The following RPS6KA5 variants were observed in gnomAD, a reference collection of about 807,000 sequenced individuals.
The protein encoded by RPS6KA5 is ribosomal protein S6 kinase A5.
In RPS6KA5, 27 loss-of-function variants were observed where a neutral mutation model predicts 85.5. The observed-to-expected ratio is 0.32, with a 90% CI of 0.23 to 0.44. The LOEUF is 0.44. Ranked by LOEUF, RPS6KA5 falls within the 20% of genes least tolerant of loss-of-function variation. RPS6KA5 has a pLI of 1.00. For synonymous variants in RPS6KA5, 334 were observed against 348.2 expected (o/e 0.96, Z 0.46); for missense variants, 811 against 980.9 (o/e 0.83, Z 2.31).
chr14:91,014,180 T>TA lies in RPS6KA5; in HGVS notation c.104-13022dup, dbSNP rs554230499. On this transcript the variant is annotated intron_variant, in intron 1 of 16. Coordinates refer to ENST00000614987, the MANE Select transcript of RPS6KA5 (RefSeq NM_004755.4). ...AAAAGAAAAAATTAGGGCTTTAAAG[T>TA]AAAAAACATGAATGTATTTTTAAAA... Among the ~76,000 whole-genome samples, 515 of 152,220 alleles carry TA rather than the reference T, an allele frequency of 3.4e-3. 4 individuals are homozygous for TA. The highest frequency in any genetic ancestry group is 6.8e-3 in the Middle Eastern group (2 of 294).
chr14:90,927,087 T>A (rs766385739), intron 5 of RPS6KA5, among the ~76,000 whole-genome samples: 4 of 152,112 alleles, frequency 2.6e-5, no homozygotes, highest in Non-Finnish European at 5.9e-5. Context: ...GTCATGATCG[T>A]TTGAGAGATA....
Position 90,987,781 on chromosome 14 carries a change from A to G in RPS6KA5, c.176-9257T>C, listed in dbSNP as rs11846962. Among the ~76,000 whole-genome samples, 642 of 152,308 alleles carry G rather than the reference A, an allele frequency of 4.2e-3. 4 individuals are homozygous for G. The highest frequency in any genetic ancestry group is 0.014 in the African/African-American group (593 of 41,568). On this transcript the variant is annotated intron_variant, in intron 2 of 16. Transcript: ENST00000614987. ...CTTCTTAAAGAGGACACCAGGGACCAAGGTAGACACAAATGGTTACTGCTC... is the reference window on the plus strand; with the variant it reads ...CTTCTTAAAGAGGACACCAGGGACCGAGGTAGACACAAATGGTTACTGCTC...
At position 90,857,653 on chromosome 14, in the gene RPS6KA5, A is replaced by G. The variant is rs945433101; in HGVS notation, c.*14421T>C. ...AACTGTGAACTGCATTAAGCTCTAC[A>G]GAGTTTTTTCAAAAGGCTAAAAATA... is the stretch of plus-strand genomic sequence containing the variant. On this transcript the variant is annotated 3_prime_UTR_variant, in exon 17 of 17. Transcript: ENST00000614987. The G allele has an allele frequency of 6.6e-6, 1 of 152,218 alleles. No homozygotes were observed. The highest frequency in any genetic ancestry group is 2.4e-5 in the African/African-American group (1 of 41,448). The allele number at this position is 152,218 out of a possible 1,614,324, so 9.4% of individuals were successfully genotyped here.
intron 3 of RPS6KA5, among the ~76,000 whole-genome samples, chr14:90,973,380 T>C (rs565481508): frequency 6.7e-6 from 1 of 148,864 alleles, no homozygotes; most frequent in Non-Finnish European, 1.5e-5. Flanking sequence ...GAGGCAGAGG[T>C]TGCAGTGAGC....
chr14:90,965,974 G>A (rs1374069413), intron 3 of RPS6KA5, among the ~76,000 whole-genome samples: 1 of 152,174 alleles, frequency 6.6e-6, no homozygotes, highest in Non-Finnish European at 1.5e-5. Flanking sequence ...TCTTAGAGGT[G>A]CAACTGGTTT....
chr14:90,990,872 C>T (rs1339141362), intron 2 of RPS6KA5, among the ~76,000 whole-genome samples: 2 of 152,104 alleles, frequency 1.3e-5, no homozygotes, highest in Non-Finnish European at 2.9e-5. Flanking sequence ...CTAGGGCCTA[C>T]TTGAGGGGAG....
intron 3 of RPS6KA5, among the ~76,000 whole-genome samples, chr14:90,958,837 T>C (rs1372012841): frequency 1.3e-5 from 2 of 152,006 alleles, no homozygotes; most frequent in African/African-American, 4.8e-5. Context: ...AGTTGGAAGG[T>C]CATGATTACT....
chr14:90,900,262 T>C (rs747067044), intron 10 of RPS6KA5, 21 bp from the exon 11 acceptor site: 5 of 1,517,880 alleles, frequency 3.3e-6, no homozygotes. Flanking sequence ...ATCAACATCA[T>C]TTAACTTCAG....
chr14:90,983,276 CAA>C (rs562999325), intron 2 of RPS6KA5, among the ~76,000 whole-genome samples: 20 of 66,548 alleles, frequency 3.0e-4, no homozygotes, highest in Non-Finnish European at 2.7e-4. Flanking sequence ...GACTCCATCT[CAA>C]AAAAAAAAAA....
intron 1 of RPS6KA5, among the ~76,000 whole-genome samples, chr14:91,049,284 C>A (rs1430442663): frequency 2.0e-5 from 3 of 152,206 alleles, no homozygotes; most frequent in Non-Finnish European, 4.4e-5. Context: ...AGCACAAGTT[C>A]TTCCTACTCT....
chr14:91,052,190 G>C, intron 1 of RPS6KA5: 3 of 301,330 alleles, frequency 1.0e-5, no homozygotes, highest in South Asian at 5.3e-5. Context: ...GCTCATGCCT[G>C]TAATCCCAGC....
intron 1 of RPS6KA5, among the ~76,000 whole-genome samples, chr14:91,010,863 C>A (rs1205385308): frequency 1.3e-5 from 2 of 151,956 alleles, no homozygotes; most frequent in Admixed American, 6.6e-5. Context: ...ATAATGGGAT[C>A]CGGGACAGAA....
In RPS6KA5 at chr14:90,942,982, C is replaced by T. The variant is rs1438057395; in HGVS notation, c.618+96G>A. Reference sequence around the variant, plus strand: ...CAAATCTGCACAAAAGTTCAGAATTCACAGGGCAGTTTTCTGCTAAATGTT... The same window carrying T: ...CAAATCTGCACAAAAGTTCAGAATTTACAGGGCAGTTTTCTGCTAAATGTT... On this transcript the variant is annotated intron_variant, in intron 5 of 16. Transcript: ENST00000614987. 42 of 750,358 alleles carry T rather than the reference C, an allele frequency of 5.6e-5. No homozygotes were observed. In the East Asian group the frequency reaches 1.1e-3, roughly 20 times the overall value. The allele number at this position is 750,358 out of a possible 1,614,324, so 46.5% of individuals were successfully genotyped here.
At chr14:90,991,701 C>CAAAAAAA (rs57545603) in intron 2 of RPS6KA5, among the ~76,000 whole-genome samples, 12 of 85,904 alleles carry the variant, frequency 1.4e-4, no homozygotes, top group East Asian at 6.1e-4. Context: ...GACTCCATCT[C>CAAAAAAA]AAAAAAAAAA....
At chr14:90,873,472 T>C (rs553370013) in intron 16 of RPS6KA5, among the ~76,000 whole-genome samples, 160 bp downstream of exon 16, 1 of 152,206 alleles carries the variant, frequency 6.6e-6, no homozygotes, top group African/African-American at 2.4e-5. Flanking sequence ...ATAAAGTGTT[T>C]ATAACCATGA....
chr14:90,927,680 A>G (rs1255651294), intron 5 of RPS6KA5, among the ~76,000 whole-genome samples: 1 of 152,134 alleles, frequency 6.6e-6, no homozygotes, highest in Non-Finnish European at 1.5e-5. Context: ...ATCCTCAAAA[A>G]TTTGTGAAAA....
intron 3 of RPS6KA5, among the ~76,000 whole-genome samples, chr14:90,966,151 C>T (rs989803214): frequency 1.3e-5 from 2 of 152,126 alleles, no homozygotes; most frequent in African/African-American, 2.4e-5. Context: ...TCACTGGAAA[C>T]GCAGATATGT....
At chr14:91,034,265 A>G (rs1011837598) in intron 1 of RPS6KA5, among the ~76,000 whole-genome samples, 4 of 151,228 alleles carry the variant, frequency 2.6e-5, no homozygotes, top group Non-Finnish European at 5.9e-5. Context: ...GGATCACACC[A>G]TTGCACTCCA....
At chr14:90,949,133 C>T (rs77012148) in intron 3 of RPS6KA5, among the ~76,000 whole-genome samples, 3,513 of 152,296 alleles carry the variant, frequency 0.023, 70 homozygotes, top group Non-Finnish European at 0.031. Context: ...ACACAGGATT[C>T]CTGCAAACTA....
Sources: gnomAD v4.1 joint callset for allele counts (sites outside exome capture counted in the v4.1 genomes callset) on GRCh38, gnomAD v4.1.1 for gene constraint, MANE v1.5 for transcripts, NCBI Gene and HGNC (gene_info 2026-07-23, HGNC 2026-07-21) for gene names.